The following FRMD6 variants were observed in gnomAD, a reference collection of about 807,000 sequenced individuals.
FRMD6 encodes the protein FERM domain-containing protein 6.
Under a neutral mutation model 73.2 loss-of-function variants are expected in FRMD6, and 37 were observed. The ratio of observed to expected loss-of-function variants is 0.51; its 90% CI spans 0.39 to 0.66. The LOEUF is 0.66. Among genes scored for constraint, FRMD6 ranks in the 30% least tolerant of loss-of-function variants. The probability of loss-of-function intolerance (pLI) is 0.00; values close to 1 mark genes in which losing one functional copy is unlikely to be tolerated. For synonymous variants in FRMD6, 273 were observed against 282.2 expected (o/e 0.97, Z 0.33); for missense variants, 714 against 780.5 (o/e 0.91, Z 1.02).
At chr14:51,589,348 TG>T (rs60415369) in intron 2 of FRMD6, among the ~76,000 whole-genome samples, 6,728 of 34,136 alleles carry the variant, frequency 0.2, 199 homozygotes, top group South Asian at 0.3. Flanking sequence ...TTTTTGTTTT[TG>T]GTTTTTTTTG....
At position 51,626,214 on chromosome 14, in the gene FRMD6, A is replaced by G. The variant is rs1418342579; in HGVS notation, c.-147+55804A>G. 2.0e-5 allele frequency among the ~76,000 whole-genome samples: 3 copies of G among 152,242 alleles called. No homozygotes were observed. The East Asian group carries it at 5.8e-4, about 29-fold the overall frequency. ...TGGAGGCCATGATCCATAGCAAACT[A>G]TTCCATTCTCCTTTTCTCTTTACTG... On this transcript the variant is annotated intron_variant, in intron 2 of 14. Transcript: ENST00000356218.
At chr14:51,466,915 T>A in the FRMD6 span, among the ~76,000 whole-genome samples, 14 of 152,264 alleles carry the variant, frequency 9.2e-5, no homozygotes, top group African/African-American at 3.1e-4. Flanking sequence ...TTGTCAGCCA[T>A]GATTTGCAGC....
intron 2 of FRMD6, among the ~76,000 whole-genome samples, chr14:51,603,184 T>A (rs571236984): frequency 6.6e-6 from 1 of 152,190 alleles, no homozygotes; most frequent in Non-Finnish European, 1.5e-5. Flanking sequence ...ACACTGAATA[T>A]GCCAGCACCT....
chr14:51,536,340 G>A (rs1885890700), intron 1 of FRMD6, among the ~76,000 whole-genome samples: 1 of 151,912 alleles, frequency 6.6e-6, no homozygotes, highest in Admixed American at 6.6e-5. Context: ...GATCATTCCT[G>A]CCTCAGCCTC....
intron 2 of FRMD6, among the ~76,000 whole-genome samples, chr14:51,594,108 C>A (rs540613573): frequency 2.6e-5 from 4 of 152,078 alleles, no homozygotes; most frequent in African/African-American, 7.2e-5. Context: ...TTACTAAGAA[C>A]AAGAAATGAG....
At chr14:51,465,061 A>G in the FRMD6 span, among the ~76,000 whole-genome samples, 1 of 152,208 alleles carries the variant, frequency 6.6e-6, no homozygotes, top group South Asian at 2.1e-4. Context: ...GGCTCTTAAT[A>G]TCAAAAAAGG....
chr14:51,701,454 AATT>A (rs1188181236), intron 4 of FRMD6, among the ~76,000 whole-genome samples: 1 of 146,488 alleles, frequency 6.8e-6, no homozygotes, highest in Non-Finnish European at 1.5e-5. Flanking sequence ...GGGAAAATAA[AATT>A]ATAAGTTCTA....
At chr14:51,401,424 A>C in the FRMD6 span, among the ~76,000 whole-genome samples, 1 of 151,050 alleles carries the variant, frequency 6.6e-6, no homozygotes, top group Non-Finnish European at 1.5e-5. Flanking sequence ...TGGCGGACAC[A>C]AACAGTTTCC....
At chr14:51,649,910 C>T (rs911512474), upstream of FRMD6, 1 of 152,174 alleles carries the variant, frequency 6.6e-6, no homozygotes, top group Admixed American at 6.5e-5. Context: ...AGGCATGGGC[C>T]ACCATGCCCG....
the FRMD6 span, among the ~76,000 whole-genome samples, chr14:51,476,141 T>C: frequency 6.6e-6 from 1 of 152,168 alleles, no homozygotes; most frequent in African/African-American, 2.4e-5. Flanking sequence ...TTTCTCTCTT[T>C]CCACATCCAT....
chr14:51,617,190 C>T (rs1890749895), intron 2 of FRMD6, among the ~76,000 whole-genome samples: 1 of 152,140 alleles, frequency 6.6e-6, no homozygotes, highest in Non-Finnish European at 1.5e-5. Flanking sequence ...GGCAGAATTC[C>T]CTGCTCTCCA....
At chr14:51,528,069 G>A (rs145773855) in intron 1 of FRMD6, among the ~76,000 whole-genome samples, 2 of 152,280 alleles carry the variant, frequency 1.3e-5, no homozygotes, top group Non-Finnish European at 2.9e-5. Context: ...TTGAGCCCCA[G>A]AGGTGGAGGT....
At chr14:51,561,648 A>C (rs2139513145) in intron 1 of FRMD6, among the ~76,000 whole-genome samples, 1 of 152,328 alleles carries the variant, frequency 6.6e-6, no homozygotes. Flanking sequence ...TCAACCTGAC[A>C]TTGACCTGAT....
intron 1 of FRMD6, among the ~76,000 whole-genome samples, chr14:51,687,092 C>A (rs1329665974): frequency 2.0e-5 from 3 of 152,050 alleles, no homozygotes; most frequent in Non-Finnish European, 4.4e-5. Context: ...ATCTTCTGTG[C>A]TGCATATTTG....
At chr14:51,532,693 A>G (rs1465793827) in intron 1 of FRMD6, among the ~76,000 whole-genome samples, 40 of 152,098 alleles carry the variant, frequency 2.6e-4, no homozygotes, top group Admixed American at 2.6e-3. Context: ...TTCCTATATA[A>G]ACAACCACCT....
chr14:51,626,189 T>C (rs1051560445), intron 2 of FRMD6, among the ~76,000 whole-genome samples: 3 of 152,218 alleles, frequency 2.0e-5, no homozygotes, highest in African/African-American at 7.2e-5. Context: ...TGGATGGAGC[T>C]GGAGGCCATG....
the FRMD6 span, among the ~76,000 whole-genome samples, chr14:51,429,898 C>A: frequency 6.6e-6 from 1 of 152,134 alleles, no homozygotes; most frequent in East Asian, 1.9e-4. Context: ...CATCAATTTC[C>A]TCTTGATTGC....
chr14:51,538,680 C>T (rs756464134), intron 1 of FRMD6, among the ~76,000 whole-genome samples: 4 of 152,094 alleles, frequency 2.6e-5, no homozygotes, highest in Non-Finnish European at 5.9e-5. Flanking sequence ...TTCCTGGCAC[C>T]CTTGCCAAAA....
the FRMD6 span, among the ~76,000 whole-genome samples, chr14:51,413,494 C>CT: frequency 6.6e-6 from 1 of 152,192 alleles, no homozygotes; most frequent in African/African-American, 2.4e-5. Context: ...TGAACTCATC[C>CT]TTTTTTATGG....
Sources: allele counts gnomAD v4.1 joint callset (sites outside exome capture counted in the v4.1 genomes callset), GRCh38; gene constraint gnomAD v4.1.1; transcripts MANE v1.5; gene names NCBI Gene and HGNC (gene_info 2026-07-23, HGNC 2026-07-21).